MYO3A: variants seen among roughly 807,000 people sequenced by gnomAD.
MYO3A encodes the protein myosin-IIIa.
A neutral mutation model predicts 192.7 loss-of-function variants in MYO3A; 180 were observed. That is an observed-to-expected ratio of 0.93 (90% CI 0.83 to 1.06). The LOEUF (loss-of-function observed/expected upper bound fraction) is 1.06. Ranked by LOEUF, MYO3A falls within the 50% of genes least tolerant of loss-of-function variation. MYO3A has a pLI of 0.00. For missense variants in MYO3A, 1,896 were observed against 1,905.0 expected, an observed-to-expected ratio of 1.00 and a Z score of 0.09; for synonymous variants, 628 against 645.3, an observed-to-expected ratio of 0.97 and a Z score of 0.41.
At position 26,176,523 on chromosome 10, in the gene MYO3A, G is replaced by C. The variant is rs538609353; in HGVS notation, c.4294-178G>C. Among the ~76,000 whole-genome samples the C allele has an allele frequency of 3.2e-4, 49 of 152,310 alleles. No individual in the cohort carries two copies. In the Middle Eastern group the frequency reaches 0.01, roughly 32 times the overall value. On this transcript the variant is annotated intron_variant, in intron 30 of 34. Coordinates refer to ENST00000642920, the MANE Select transcript of MYO3A (RefSeq NM_017433.5). ...AGATGGCAAGTATTCAGAGCACAAGGGGGGAAGGTTGTCAGGTGAGAACTT... is the reference window on the plus strand; with the variant it reads ...AGATGGCAAGTATTCAGAGCACAAGCGGGGAAGGTTGTCAGGTGAGAACTT...
chr10:26,097,399 A>T (rs1350019756), intron 17 of MYO3A, among the ~76,000 whole-genome samples: 4 of 151,072 alleles, frequency 2.6e-5, no homozygotes, highest in East Asian at 3.9e-4. Context: ...ATTTTTTTTT[A>T]ATTATATTTT....
intron 14 of MYO3A, among the ~76,000 whole-genome samples, chr10:26,072,701 T>TATAA (rs1554818931): frequency 3.3e-5 from 5 of 149,712 alleles, no homozygotes; most frequent in Non-Finnish European, 7.4e-5. Context: ...TCTATGTTTA[T>TATAA]AAAAAAAAAA....
chr10:26,069,729 A>G (rs542035650), intron 12 of MYO3A, among the ~76,000 whole-genome samples: 2 of 152,186 alleles, frequency 1.3e-5, no homozygotes, highest in African/African-American at 4.8e-5. Context: ...AGTGGTTATC[A>G]TGTGTGAGAC....
chr10:25,945,662 A>G (rs1836788975), intron 2 of MYO3A, among the ~76,000 whole-genome samples: 1 of 152,126 alleles, frequency 6.6e-6, no homozygotes, highest in Non-Finnish European at 1.5e-5. Context: ...TAGATAGTAT[A>G]TAGTTGCATC....
intron 20 of MYO3A, among the ~76,000 whole-genome samples, chr10:26,140,243 C>T (rs1840071801): frequency 6.6e-6 from 1 of 152,178 alleles, no homozygotes; most frequent in Admixed American, 6.5e-5. Context: ...TGCTGCTGTG[C>T]AAGTCTGAGG....
At chr10:25,952,020 A>G in intron 2 of MYO3A, 74 bp from the exon 3 acceptor site, 1 of 1,143,114 alleles carries the variant, frequency 8.7e-7, no homozygotes, top group Non-Finnish European at 1.3e-6. Flanking sequence ...ATATTCGCTA[A>G]TTTCCCATGG....
At chr10:25,995,794 A>G (rs1840391593) in intron 4 of MYO3A, among the ~76,000 whole-genome samples, 1 of 152,244 alleles carries the variant, frequency 6.6e-6, no homozygotes, top group Admixed American at 6.5e-5. Context: ...CCTGGGTATC[A>G]GCAGCGGAGG....
At chr10:26,197,476 C>CT (rs1267875369) in intron 32 of MYO3A, among the ~76,000 whole-genome samples, 1 of 152,222 alleles carries the variant, frequency 6.6e-6, no homozygotes, top group Non-Finnish European at 1.5e-5. Context: ...AGATCCCTGA[C>CT]TGCCATGGCT....
intron 20 of MYO3A, among the ~76,000 whole-genome samples, chr10:26,141,078 C>T (rs1241743229): frequency 1.3e-5 from 2 of 152,138 alleles, no homozygotes; most frequent in African/African-American, 4.8e-5. Flanking sequence ...CAGGCACCCA[C>T]CACCACACCC....
chr10:26,065,887 A>G (rs1271962800), intron 10 of MYO3A, among the ~76,000 whole-genome samples: 1 of 111,338 alleles, frequency 9.0e-6, no homozygotes, highest in African/African-American at 2.9e-5. Flanking sequence ...GGAGGCCGAG[A>G]CGGGCGGATC....
Position 26,128,411 on chromosome 10 carries a change from G to A in MYO3A, c.2135G>A (p.Ser712Asn). 6.2e-7 allele frequency: 1 copy of A among 1,613,180 alleles called. No homozygotes were observed. The highest frequency in any genetic ancestry group is 8.5e-7 in the Non-Finnish European group (1 of 1,179,362). ...TCTAGTGGGAATGGTGATGAGCTGA[G>A]CATTGGCATTCTTGATATATTTGGC... ...SSPSGNGDEL[S>N]IGILDIFGFE... Residue 712 changes from serine (S) to asparagine (N), a missense_variant, in exon 20 of 35, where the codon AGC becomes AAC. Transcript: ENST00000642920.
intron 6 of MYO3A, among the ~76,000 whole-genome samples, chr10:26,007,993 C>G (rs1588761789): frequency 1.3e-5 from 2 of 151,498 alleles, no homozygotes; most frequent in South Asian, 4.2e-4. Context: ...TACTACAAGG[C>G]TACAGTAACG....
intron 2 of MYO3A, among the ~76,000 whole-genome samples, chr10:25,942,099 T>A (rs1836534695): frequency 6.6e-6 from 1 of 152,030 alleles, no homozygotes; most frequent in South Asian, 2.1e-4. Flanking sequence ...CCTCCTGGGT[T>A]CAAGTGATGC....
At position 26,120,893 on chromosome 10, in the gene MYO3A, T is replaced by C; in HGVS notation, c.1903+91T>C. 4.7e-6 allele frequency: 7 copies of C among 1,504,072 alleles called. No homozygotes were observed. In the South Asian group the frequency reaches 8.1e-5, roughly 17 times the overall value. 93.2% of individuals were successfully genotyped at this position (1,504,072 alleles called of 1,614,324 possible). ...ACATAAGGACCATTTCAAGCAATTG[T>C]GCTAACCTAGAATCCTTAAAAGAAT... On this transcript the variant is annotated intron_variant, in intron 18 of 34. Transcript: ENST00000642920.
chr10:26,011,209 G>A (rs530733764), intron 6 of MYO3A, among the ~76,000 whole-genome samples: 2 of 152,112 alleles, frequency 1.3e-5, no homozygotes, highest in South Asian at 2.1e-4. Context: ...TGTGTGAATC[G>A]CTTGAGCCAA....
intron 17 of MYO3A, among the ~76,000 whole-genome samples, chr10:26,102,567 CA>C (rs1837527281): frequency 6.6e-6 from 1 of 152,216 alleles, no homozygotes; most frequent in African/African-American, 2.4e-5. Flanking sequence ...TGGTGATGTA[CA>C]GATGGGCTTT....
intron 2 of MYO3A, among the ~76,000 whole-genome samples, chr10:25,943,768 T>TTGTGTG (rs58905708): frequency 0.041 from 5,904 of 142,592 alleles, 203 homozygotes; most frequent in African/African-American, 0.083. Context: ...GTTCTAACAT[T>TTGTGTG]TGTGTGTGTG....
At chr10:26,165,333 A>AGG (rs1196338827) in intron 26 of MYO3A, among the ~76,000 whole-genome samples, 4 of 152,218 alleles carry the variant, frequency 2.6e-5, no homozygotes, top group Admixed American at 6.5e-5. Flanking sequence ...CTAATCTTGC[A>AGG]CCAATAAATT....
intron 10 of MYO3A, among the ~76,000 whole-genome samples, chr10:26,048,355 G>GT (rs201965583): frequency 0.084 from 11,060 of 131,090 alleles, 495 homozygotes; most frequent in Non-Finnish European, 0.11. Context: ...AATACAGCTT[G>GT]TTTTTTTTTT....
Sources: gnomAD v4.1 joint callset for allele counts (sites outside exome capture counted in the v4.1 genomes callset) on GRCh38, gnomAD v4.1.1 for gene constraint, MANE v1.5 for transcripts, NCBI Gene and HGNC (gene_info 2026-07-23, HGNC 2026-07-21) for gene names.